Variants in PRKD1 observed in about 807,000 individuals in gnomAD.
The protein encoded by PRKD1 is protein kinase D1.
In PRKD1, 63 loss-of-function variants were observed where a neutral mutation model predicts 95.9. That is an observed-to-expected ratio of 0.66 (90% confidence interval 0.54 to 0.81). The LOEUF (loss-of-function observed/expected upper bound fraction) is 0.81. Ranked by LOEUF, PRKD1 falls within the 30% of genes least tolerant of loss-of-function variation. The pLI is 0.00. For synonymous variants in PRKD1, 425 were observed against 423.1 expected (o/e 1.00, Z -0.05); for missense variants, 1,048 against 1,165.3 (o/e 0.90, Z 1.47).
At chr14:29,646,081 A>T (rs185952973) in intron 4 of PRKD1, among the ~76,000 whole-genome samples, 1 of 152,210 alleles carries the variant, frequency 6.6e-6, no homozygotes, top group Non-Finnish European at 1.5e-5. Flanking sequence ...TGATATATAC[A>T]TATATGAAAG....
chr14:29,641,898 CTT>C (rs751584936), intron 4 of PRKD1, among the ~76,000 whole-genome samples: 97 of 116,676 alleles, frequency 8.3e-4, no homozygotes, highest in African/African-American at 2.8e-3. Flanking sequence ...AAAAATATTT[CTT>C]TTTTTTTTTT....
chr14:29,645,954 T>C (rs138780849), intron 4 of PRKD1, among the ~76,000 whole-genome samples: 2,164 of 152,280 alleles, frequency 0.014, 51 homozygotes, highest in African/African-American at 0.049. Flanking sequence ...ATTTGTTTAC[T>C]GGATTTTTAC....
rs866168341 is a variant in PRKD1, at chr14:29,818,608, C to T, written c.265-92934G>A. On this transcript the variant is annotated intron_variant, in intron 1 of 17. Transcript: ENST00000331968. ...TAACATTTCAAAACTGAAAAGAATA[C>T]TTCATTTGAAAAAAAAAAAAAAGAA... Among the ~76,000 whole-genome samples the T allele has an allele frequency of 5.1e-5, 7 of 138,230 alleles. No homozygotes were observed. In the South Asian group the frequency reaches 1.6e-3, roughly 32 times the overall value. The allele number at this position is 138,230 out of a possible 152,430, so 90.7% of individuals were successfully genotyped here. A position where few individuals can be genotyped will look rare whatever the true frequency, so the allele number is the denominator to read the frequency against.
At chr14:29,692,210 ATTT>A (rs71108493) in intron 2 of PRKD1, among the ~76,000 whole-genome samples, 1 of 148,508 alleles carries the variant, frequency 6.7e-6, no homozygotes. Context: ...CTTCCTGTTC[ATTT>A]TTTTTTTTTA....
At chr14:29,762,726 A>T (rs924426540) in intron 1 of PRKD1, among the ~76,000 whole-genome samples, 1 of 152,160 alleles carries the variant, frequency 6.6e-6, no homozygotes, top group Non-Finnish European at 1.5e-5. Flanking sequence ...TGGAAAATAA[A>T]CGTGTGCATA....
chr14:29,927,416 G>GCCCGGACCCGGA lies in PRKD1; in HGVS notation c.96_97insTCCGGGTCCGGG (p.Gly32_Pro33insSerGlySerGly). The stretch of plus-strand genomic sequence containing the variant: ...GGAGCCAAGAACGGCGCGGGCCCGG[G>GCCCGGACCCGGA]CCCGGACCCTGGGACCAGTGCGGCG... On this transcript the variant is annotated inframe_insertion, in exon 1 of 18. Coordinates refer to ENST00000331968, the MANE Select transcript of PRKD1 (RefSeq NM_002742.3). 4.7e-6 allele frequency: 7 copies of GCCCGGACCCGGA among 1,478,494 alleles called. No homozygotes were observed. Among genetic ancestry groups the GCCCGGACCCGGA allele is most frequent in the Non-Finnish European group, 6.3e-6 (7 of 1,114,438 alleles). The allele number at this position is 1,478,494 out of a possible 1,614,324, so 91.6% of individuals were successfully genotyped here. A position where few individuals can be genotyped will look rare whatever the true frequency, so the allele number is the denominator to read the frequency against.
chr14:29,778,919 C>T (rs1023962896), intron 1 of PRKD1, among the ~76,000 whole-genome samples: 2 of 152,184 alleles, frequency 1.3e-5, no homozygotes, highest in Admixed American at 1.3e-4. Flanking sequence ...TCCAGCAGCA[C>T]ATCAAAAAGC....
At chr14:29,629,123 CA>C in intron 10 of PRKD1, 30 bp from the exon 11 acceptor site, 2 of 1,577,876 alleles carry the variant, frequency 1.3e-6, no homozygotes, top group Admixed American at 1.8e-5. Context: ...AATATGCACA[CA>C]AAAAGTCAGT....
intron 1 of PRKD1, among the ~76,000 whole-genome samples, chr14:29,864,376 T>G (rs1304105978): frequency 2.0e-5 from 3 of 152,176 alleles, no homozygotes; most frequent in Non-Finnish European, 4.4e-5. Context: ...AGTTCTCTCT[T>G]TTTAAATGCA....
intron 1 of PRKD1, among the ~76,000 whole-genome samples, chr14:29,763,125 T>TAAAAAAAA (rs36087571): frequency 9.3e-5 from 6 of 64,764 alleles, no homozygotes; most frequent in South Asian, 6.0e-4. Flanking sequence ...TCTCTAAAAT[T>TAAAAAAAA]AAAAAAAAAA....
chr14:29,773,617 T>C (rs1370244982), intron 1 of PRKD1, among the ~76,000 whole-genome samples: 2 of 152,174 alleles, frequency 1.3e-5, no homozygotes, highest in Non-Finnish European at 2.9e-5. Flanking sequence ...CTTTTGAAAA[T>C]ATAAATATAT....
chr14:29,666,898 A>G (rs1193529701), intron 2 of PRKD1, among the ~76,000 whole-genome samples: 12 of 152,134 alleles, frequency 7.9e-5, no homozygotes, highest in Non-Finnish European at 1.8e-4. Context: ...GTTGTAGGGA[A>G]CTTTTTGGTG....
chr14:29,910,711 G>A (rs1246894657), intron 1 of PRKD1, among the ~76,000 whole-genome samples: 2 of 152,162 alleles, frequency 1.3e-5, no homozygotes, highest in Non-Finnish European at 2.9e-5. Context: ...AGGACAAAGA[G>A]GTAATATATA....
chr14:29,626,707 C>T, intron 11 of PRKD1, 151 bp from the exon 12 acceptor site: 1 of 306,502 alleles, frequency 3.3e-6, no homozygotes, highest in Non-Finnish European at 5.5e-6. Flanking sequence ...CTGTAATATT[C>T]AAAGCACACT....
intron 1 of PRKD1, among the ~76,000 whole-genome samples, chr14:29,808,358 T>C (rs1890329049): frequency 7.1e-6 from 1 of 141,192 alleles, no homozygotes; most frequent in South Asian, 2.5e-4. Flanking sequence ...AATTCGGTCC[T>C]ACTTTCAGGC....
At chr14:29,693,589 A>C (rs1385061154) in intron 2 of PRKD1, among the ~76,000 whole-genome samples, 1 of 150,882 alleles carries the variant, frequency 6.6e-6, no homozygotes, top group Admixed American at 6.6e-5. Context: ...GCAGGAATTC[A>C]AGTCTTCCAT....
chr14:29,612,631 A>G (rs1878545527), intron 13 of PRKD1, among the ~76,000 whole-genome samples: 1 of 152,168 alleles, frequency 6.6e-6, no homozygotes, highest in East Asian at 1.9e-4. Context: ...CTTCTGACAG[A>G]ATATCTATTT....
At chr14:29,864,483 C>T (rs574698739) in intron 1 of PRKD1, among the ~76,000 whole-genome samples, 1 of 152,228 alleles carries the variant, frequency 6.6e-6, no homozygotes, top group South Asian at 2.1e-4. Flanking sequence ...AATACCTATT[C>T]TTTCTATAGA....
intron 1 of PRKD1, among the ~76,000 whole-genome samples, chr14:29,885,120 C>CTT (rs201466290): frequency 6.4e-5 from 7 of 108,730 alleles, no homozygotes; most frequent in African/African-American, 1.7e-4. Flanking sequence ...GAGACTCCAT[C>CTT]TTTTAAAAAA....
Sources: gnomAD v4.1 joint callset for allele counts (sites outside exome capture counted in the v4.1 genomes callset) on GRCh38, gnomAD v4.1.1 for gene constraint, MANE v1.5 for transcripts, NCBI Gene and HGNC (gene_info 2026-07-23, HGNC 2026-07-21) for gene names.